The following SLC12A4 variants were observed in gnomAD, a reference collection of about 807,000 sequenced individuals.
The protein encoded by SLC12A4 is electroneutral potassium-chloride cotransporter 1.
A neutral mutation model predicts 119.2 loss-of-function variants in SLC12A4; 84 were observed. That is an observed-to-expected ratio of 0.70 (90% CI 0.59 to 0.85). The LOEUF (loss-of-function observed/expected upper bound fraction) is 0.85, where lower values mean the gene tolerates loss of function less well. SLC12A4 is among the 40% of genes least tolerant of loss of function. The pLI, the probability that SLC12A4 is intolerant of heterozygous loss-of-function variation, is 0.00. For missense variants in SLC12A4, 1,298 were observed against 1,476.3 expected (o/e 0.88, Z 1.98); for synonymous variants, 599 against 604.6 (o/e 0.99, Z 0.14).
rs754059341 is a variant in SLC12A4, at chr16:67,954,783, AG to A, written c.545-11del. On this transcript the variant is annotated splice_polypyrimidine_tract_variant and intron_variant, in intron 5 of 23. Transcript: ENST00000316341. ...AAATAGGAGCCCCCAGCTACAGCAG[AG>A]AAATGAAAGTGTGCACAGGTCAAGG... 1.2e-6 allele frequency: 2 copies of A among 1,614,160 alleles called. No individual in the cohort carries two copies. Among genetic ancestry groups the A allele is most frequent in the Middle Eastern group, 1.6e-4 (1 of 6,062 alleles).
chr16:67,948,217 G>A (rs1158236157), intron 13 of SLC12A4, 58 bp from the exon 14 acceptor site: 4 of 1,546,022 alleles, frequency 2.6e-6, no homozygotes, highest in Non-Finnish European at 3.6e-6. Flanking sequence ...GGGACCTGAT[G>A]TCAGGCTGGG....
intron 6 of SLC12A4, among the ~76,000 whole-genome samples, chr16:67,953,508 A>C (rs998530615): frequency 6.6e-6 from 1 of 152,278 alleles, no homozygotes; most frequent in South Asian, 2.1e-4. Flanking sequence ...CCCAAGGCAG[A>C]AAGCAGATTC....
In SLC12A4 at chr16:67,946,590, C is replaced by T. The variant is rs1026792211; in HGVS notation, c.2285G>A (p.Cys762Tyr). 1 of 1,613,146 alleles carries T rather than the reference C, an allele frequency of 6.2e-7. No homozygotes were observed. The highest frequency in any genetic ancestry group is 8.5e-7 in the Non-Finnish European group (1 of 1,179,966). ...MMEIEKVKGF[C>Y]QVVVASKVRE... Reference sequence around the variant, plus strand: ...CACCTTGCTGGCCACCACCACCTGGCAGAAGCCCTTCACCTTCTCAATTTC... The same window carrying T: ...CACCTTGCTGGCCACCACCACCTGGTAGAAGCCCTTCACCTTCTCAATTTC... The change falls in exon 18 of 24, where the codon TGC (cysteine) becomes TAC (tyrosine). Residue 762 changes from cysteine (C) to tyrosine (Y), a missense_variant. Cys to Tyr is a radical substitution (Grantham distance 194). Transcript: ENST00000316341.
At position 67,947,721 on chromosome 16, in the gene SLC12A4, G is replaced by C; in HGVS notation, c.1915C>G (p.Leu639Val). 21 of 1,600,308 alleles carry C rather than the reference G, an allele frequency of 1.3e-5. No homozygotes were observed. The highest frequency in any genetic ancestry group is 1.8e-5 in the Non-Finnish European group (21 of 1,173,760). Residue 639 changes from leucine to valine, a missense_variant, in exon 15 of 24, where the codon CTG becomes GTG. By Grantham distance (32) the Leu-to-Val change is conservative. Coordinates refer to ENST00000316341, the MANE Select transcript of SLC12A4 (RefSeq NM_005072.5). ...ATGCCGGCGATGAGCATGGCCACCA[G>C]GGCATAGTACCAGGAGGAGACAAAC... Reference protein sequence around the residue: ...LMFVSSWYYALVAMLIAGMIY... With the variant: ...LMFVSSWYYAVVAMLIAGMIY...
intron 15 of SLC12A4, 41 bp from the exon 16 acceptor site, chr16:67,947,476 CA>C: frequency 1.3e-6 from 2 of 1,593,048 alleles, no homozygotes; most frequent in Non-Finnish European, 1.7e-6. Flanking sequence ...TGGTGCCGCC[CA>C]GGGGGTTCTG....
intron 2 of SLC12A4, among the ~76,000 whole-genome samples, chr16:67,961,969 C>A (rs1392558707): frequency 6.6e-6 from 1 of 152,238 alleles, no homozygotes; most frequent in Non-Finnish European, 1.5e-5. Context: ...TTTGTGAAAA[C>A]CACCTGCCTC....
At position 67,944,873 on chromosome 16, in the gene SLC12A4, A is replaced by C. The variant is rs1306179109; in HGVS notation, c.3225T>G (p.Gly1075=). 1 of 1,613,312 alleles carries C rather than the reference A, an allele frequency of 6.2e-7. No individual in the cohort carries two copies. The highest frequency in any genetic ancestry group is 2.2e-5 in the East Asian group (1 of 44,870). ...AGATGGTGATGACTTCACGGCCACC[A>C]CCGCGCACCAACAGCACCCGCTCAA... ...EGLERVLLVR[G]GGREVITIYS is the part of the protein sequence containing the mutation. Residue 1075 remains glycine, a synonymous_variant, in exon 24 of 24, where the codon GGT becomes GGG. Transcript: ENST00000316341. This position sits in a 1 kb window ranked among gnomAD's most constrained non-coding sequence, Gnocchi z 6.6.
chr16:67,959,786 CAGA>C (rs2151335912), intron 3 of SLC12A4, among the ~76,000 whole-genome samples: 1 of 152,374 alleles, frequency 6.6e-6, no homozygotes, highest in South Asian at 2.1e-4. Flanking sequence ...CTGGCAGCCT[CAGA>C]AGGTCATCAA....
chr16:67,956,599 G>A (rs2030274281), intron 5 of SLC12A4, among the ~76,000 whole-genome samples: 1 of 151,764 alleles, frequency 6.6e-6, no homozygotes, highest in African/African-American at 2.4e-5. Context: ...ACTTAGAATT[G>A]CTTAAACCTG....
Position 67,945,105 on chromosome 16 carries a change from T to A in SLC12A4, c.3148A>T (p.Ser1050Cys). The A allele has an allele frequency of 6.3e-7, 1 of 1,586,292 alleles. No individual in the cohort carries two copies. Among genetic ancestry groups the A allele is most frequent in the East Asian group, 2.2e-5 (1 of 44,476 alleles). The change falls in exon 23 of 24, where the codon AGT becomes TGT. Residue 1050 changes from serine (S) to cysteine (C), a missense_variant. Coordinates refer to ENST00000316341, the MANE Select transcript of SLC12A4 (RefSeq NM_005072.5). ...LLNMPGPPRN[S>C]EGDENYMEFL... is the part of the protein sequence containing the mutation. ...GGGATACAGTTCTCGTCGCCCTCACTGTTCCTGGGTGGGCCAGGCATGTTT... is the reference window on the plus strand; with the variant it reads ...GGGATACAGTTCTCGTCGCCCTCACAGTTCCTGGGTGGGCCAGGCATGTTT...
rs2058411166 is a variant in SLC12A4, at chr16:67,951,179, A to G, written c.1258T>C (p.Phe420Leu). 2 of 1,614,046 alleles carry G rather than the reference A, an allele frequency of 1.2e-6. No individual in the cohort carries two copies. The highest frequency in any genetic ancestry group is 4.5e-5 in the East Asian group (2 of 44,884). Reference protein sequence around the residue: ...LYVVADIATSFTVLVGIFFPS... With the variant: ...LYVVADIATSLTVLVGIFFPS... ...AAGAAGATGCCGACCAGCACGGTGA[A>G]GGATGTGGCGATGTCAGCGACCACG... The change falls in exon 9 of 24, where the codon TTC becomes CTC. Residue 420 changes from phenylalanine to leucine, a missense_variant. Transcript: ENST00000316341. This position sits in a 1 kb window ranked among gnomAD's most constrained non-coding sequence, Gnocchi z 5.2.
intron 4 of SLC12A4, 21 bp downstream of exon 4, chr16:67,957,877 C>T (rs753545567): frequency 3.2e-5 from 51 of 1,614,020 alleles, no homozygotes; most frequent in Non-Finnish European, 4.1e-5. Flanking sequence ...CAGCCCAACC[C>T]TCCCACGCCA....
At chr16:67,959,224 A>G (rs1236860849) in intron 3 of SLC12A4, among the ~76,000 whole-genome samples, 1 of 152,242 alleles carries the variant, frequency 6.6e-6, no homozygotes, top group Non-Finnish European at 1.5e-5. Flanking sequence ...GGCTGAGAGC[A>G]CAGAGGCTGG....
In SLC12A4 at chr16:67,943,896, C is replaced by T; in HGVS notation, c.*944G>A. Reference sequence around the variant, plus strand: ...CAGGTCAGCTGCCAGGGGCTGGGGCCCAGGCTCCCCAGGGTCTGGCGTGGT... The same window carrying T: ...CAGGTCAGCTGCCAGGGGCTGGGGCTCAGGCTCCCCAGGGTCTGGCGTGGT... On this transcript the variant is annotated 3_prime_UTR_variant, in exon 24 of 24. Coordinates refer to ENST00000316341, the MANE Select transcript of SLC12A4 (RefSeq NM_005072.5). This position sits in a 1 kb window ranked among gnomAD's most constrained non-coding sequence, Gnocchi z 4.6. 1.4e-6 allele frequency: 2 copies of T among 1,477,390 alleles called. No homozygotes were observed. The highest frequency in any genetic ancestry group is 1.8e-6 in the Non-Finnish European group (2 of 1,097,878). The allele number at this position is 1,477,390 out of a possible 1,614,324, so 91.5% of individuals were successfully genotyped here. A position where few individuals can be genotyped will look rare whatever the true frequency, so the allele number is the denominator to read the frequency against.
Position 67,950,280 on chromosome 16 carries a change from G to A in SLC12A4, c.1629+39C>T, listed in dbSNP as rs1470697978. 5.0e-6 allele frequency: 8 copies of A among 1,600,978 alleles called. No homozygotes were observed. Among genetic ancestry groups the A allele is most frequent in the Non-Finnish European group, 6.8e-6 (8 of 1,172,488 alleles). Reference sequence around the variant, plus strand: ...TCTCTCCCCAGCCGGGCGAGGGCCTGGGAGCAGCCAGGCCATGGGGGAGTG... The same window carrying A: ...TCTCTCCCCAGCCGGGCGAGGGCCTAGGAGCAGCCAGGCCATGGGGGAGTG... On this transcript the variant is annotated intron_variant, in intron 12 of 23. Transcript: ENST00000316341. This position sits in a 1 kb window ranked among gnomAD's most constrained non-coding sequence, Gnocchi z 4.3.
Position 67,943,640 on chromosome 16 carries a change from G to A in SLC12A4, c.*1200C>T. ...GGGTGGGGGCCAAGGAAGGAGTGGTGGGGCTTGGCCCAGAGTCTGGTGTGG... is the reference window on the plus strand; with the variant it reads ...GGGTGGGGGCCAAGGAAGGAGTGGTAGGGCTTGGCCCAGAGTCTGGTGTGG... On this transcript the variant is annotated 3_prime_UTR_variant, in exon 24 of 24. Coordinates refer to ENST00000316341, the MANE Select transcript of SLC12A4 (RefSeq NM_005072.5). The surrounding 1 kb of genome is among the most constrained non-coding windows in gnomAD (Gnocchi z 4.6). 3.8e-6 allele frequency: 2 copies of A among 523,890 alleles called. No individual in the cohort carries two copies. Among genetic ancestry groups the A allele is most frequent in the Non-Finnish European group, 6.9e-6 (2 of 290,290 alleles). 32.5% of individuals were successfully genotyped at this position (523,890 alleles called of 1,614,324 possible). A position where few individuals can be genotyped will look rare whatever the true frequency, so the allele number is the denominator to read the frequency against.
At chr16:67,963,352 A>T in intron 2 of SLC12A4, 113 bp downstream of exon 2, 1 of 628,668 alleles carries the variant, frequency 1.6e-6, no homozygotes, top group Non-Finnish European at 2.7e-6. Flanking sequence ...AACCAGGAAC[A>T]CAAGAGGAGA....
intron 15 of SLC12A4, 102 bp from the exon 16 acceptor site, chr16:67,947,537 G>T: frequency 1.0e-5 from 15 of 1,493,194 alleles, no homozygotes; most frequent in Non-Finnish European, 1.4e-5. Context: ...ACCACCCAGG[G>T]GTCCTGAGTT....
Position 67,949,581 on chromosome 16 carries a change from C to A in SLC12A4, c.1748+219G>T. On this transcript the variant is annotated intron_variant, in intron 13 of 23. Transcript: ENST00000316341. This position sits in a 1 kb window ranked among gnomAD's most constrained non-coding sequence, Gnocchi z 4.6. ...TCTGCCGGCCACCTGCTCTGGGGGC[C>A]TCAGGGAGGTGTGGACATATTGGTC... The A allele has an allele frequency of 2.1e-6, 1 of 466,014 alleles. No homozygotes were observed. Among genetic ancestry groups the A allele is most frequent in the South Asian group, 2.9e-5 (1 of 34,078 alleles). The allele number at this position is 466,014 out of a possible 1,614,324, so 28.9% of individuals were successfully genotyped here.
Sources: allele counts gnomAD v4.1 joint callset (sites outside exome capture counted in the v4.1 genomes callset), GRCh38; gene constraint gnomAD v4.1.1; non-coding constraint Gnocchi (gnomAD v3.1); transcripts MANE v1.5; gene names NCBI Gene and HGNC (gene_info 2026-07-23, HGNC 2026-07-21).